PCDHGA5: variants seen among roughly 807,000 people sequenced by gnomAD.
The protein encoded by PCDHGA5 is protocadherin gamma subfamily A, 5.
In PCDHGA5, 36 loss-of-function variants were observed where a neutral mutation model predicts 56.7. That is an observed-to-expected ratio of 0.64 (90% CI 0.49 to 0.84). The LOEUF (loss-of-function observed/expected upper bound fraction) is 0.84, where lower values mean the gene tolerates loss of function less well. Ranked by LOEUF, PCDHGA5 falls within the 40% of genes least tolerant of loss-of-function variation. The pLI is 0.00. For missense variants in PCDHGA5, 1,305 were observed against 1,201.5 expected, an observed-to-expected ratio of 1.09 and a Z score of -1.27; for synonymous variants, 563 against 520.2, an observed-to-expected ratio of 1.08 and a Z score of -1.12.
Position 141,365,072 on chromosome 5 carries a change from A to G in PCDHGA5, c.742A>G (p.Ser248Gly). 6.2e-7 allele frequency: 1 copy of G among 1,613,904 alleles called. No individual in the cohort carries two copies. The highest frequency in any genetic ancestry group is 1.6e-4 in the Middle Eastern group (1 of 6,062). Residue 248 changes from serine to glycine, a missense_variant, in exon 1 of 4, where the codon AGC becomes GGC. Transcript: ENST00000518069. ...GCCCCTGTTCACCCCATCCGAGTAC[A>G]GCGTGAGTGTTCCAGAGAACATACC... The part of the protein sequence containing the change: ...NAPLFTPSEY[S>G]VSVPENIPVG...
chr5:141,409,751 C>T, intron 1 of PCDHGA5: 1 of 1,613,000 alleles, frequency 6.2e-7, no homozygotes, highest in Non-Finnish European at 8.5e-7. Flanking sequence ...GGTGTTCGCG[C>T]AGCGCGCCTT....
chr5:141,423,569 T>A, intron 1 of PCDHGA5: 2 of 1,613,480 alleles, frequency 1.2e-6, no homozygotes, highest in Non-Finnish European at 1.7e-6. Context: ...GACACGCTCA[T>A]CAGCCAGGAG....
At chr5:141,410,705 A>G (rs1462423983) in intron 1 of PCDHGA5, 1 of 1,460,780 alleles carries the variant, frequency 6.8e-7, no homozygotes, top group Non-Finnish European at 9.1e-7. Context: ...TTTCATATCT[A>G]GAATCATATG....
intron 1 of PCDHGA5, among the ~76,000 whole-genome samples, chr5:141,460,640 TGTTTACACATA>T (rs2098994223): frequency 6.6e-6 from 1 of 152,096 alleles, no homozygotes; most frequent in Admixed American, 6.6e-5. Flanking sequence ...TATATAACTG[TGTTTACACATA>T]TGTAACTGTA....
In PCDHGA5 at chr5:141,379,873, T is replaced by C. The variant is rs533347585; in HGVS notation, c.2421+13122T>C. ...AAATTATTGTCTTATTCTTATTTTA[T>C]GGTCTGTGAAAGCCTCTTTTTTTTT... On this transcript the variant is annotated intron_variant, in intron 1 of 3. Transcript: ENST00000518069. Among the ~76,000 whole-genome samples, 18 of 148,596 alleles carry C rather than the reference T, an allele frequency of 1.2e-4. No individual in the cohort carries two copies. The South Asian group carries it at 2.8e-3, about 23-fold the overall frequency.
intron 1 of PCDHGA5, chr5:141,374,073 A>AT: frequency 6.6e-7 from 1 of 1,510,034 alleles, no homozygotes; most frequent in Non-Finnish European, 8.8e-7. Flanking sequence ...GAAGTTCCTA[A>AT]TAAGCCAGTA....
chr5:141,481,200 T>A (rs977235584), intron 1 of PCDHGA5, among the ~76,000 whole-genome samples: 2 of 152,178 alleles, frequency 1.3e-5, no homozygotes, highest in Non-Finnish European at 2.9e-5. Flanking sequence ...CCAATTTTTT[T>A]AAAAAACATG....
intron 1 of PCDHGA5, chr5:141,417,710 T>C: frequency 8.0e-7 from 1 of 1,249,348 alleles, no homozygotes; most frequent in Non-Finnish European, 1.1e-6. Context: ...ACACAGAGGC[T>C]CCCGGCTGCG....
At chr5:141,478,063 A>G in intron 1 of PCDHGA5, 1 of 1,614,168 alleles carries the variant, frequency 6.2e-7, no homozygotes, top group Non-Finnish European at 8.5e-7. Context: ...TCTTGATCAA[A>G]GACAATGGGG....
intron 1 of PCDHGA5, among the ~76,000 whole-genome samples, chr5:141,481,008 A>G (rs2099529606): frequency 6.6e-6 from 1 of 152,224 alleles, no homozygotes; most frequent in Non-Finnish European, 1.5e-5. Context: ...CAGTGAGCCC[A>G]GATCACACCA....
chr5:141,512,897 C>T lies in PCDHGA5; in HGVS notation c.*1724C>T, dbSNP rs1482341871. ...CTCCCACCCCACCCTCTTCCTGTGT[C>T]TCACGCAAGTTTTATACTCTAATAT... On this transcript the variant is annotated 3_prime_UTR_variant, in exon 4 of 4. Coordinates refer to ENST00000518069, the MANE Select transcript of PCDHGA5 (RefSeq NM_018918.3). 1.3e-5 allele frequency: 2 copies of T among 152,274 alleles called. No homozygotes were observed. The highest frequency in any genetic ancestry group is 4.8e-5 in the African/African-American group (2 of 41,470). The allele number at this position is 152,274 out of a possible 1,614,324, so 9.4% of individuals were successfully genotyped here. A position where few individuals can be genotyped will look rare whatever the true frequency, so the allele number is the denominator to read the frequency against.
chr5:141,448,505 T>C (rs1041076095), intron 1 of PCDHGA5, among the ~76,000 whole-genome samples: 24 of 152,172 alleles, frequency 1.6e-4, no homozygotes, highest in African/African-American at 5.8e-4. Flanking sequence ...AGGTAAACAT[T>C]TTATAACTTT....
In PCDHGA5 at chr5:141,420,134, G is replaced by A. The variant is rs769225630; in HGVS notation, c.2421+53383G>A. The A allele has an allele frequency of 1.1e-5, 18 of 1,613,952 alleles. No homozygotes were observed. Among genetic ancestry groups the A allele is most frequent in the Non-Finnish European group, 1.4e-5 (17 of 1,179,876 alleles). Reference sequence around the variant, plus strand: ...TGCCTATAATTTTTGTGTGCCTGGGGATCAAATGAATCCAGAATTTAATTT... The same window carrying A: ...TGCCTATAATTTTTGTGTGCCTGGGAATCAAATGAATCCAGAATTTAATTT... On this transcript the variant is annotated intron_variant, in intron 1 of 3. Coordinates refer to ENST00000518069, the MANE Select transcript of PCDHGA5 (RefSeq NM_018918.3).
intron 1 of PCDHGA5, chr5:141,405,042 T>C (rs765018710): frequency 1.2e-6 from 2 of 1,613,144 alleles, no homozygotes; most frequent in South Asian, 1.1e-5. Flanking sequence ...GTTGTGGCTG[T>C]GGCAGTCGTC....
intron 1 of PCDHGA5, among the ~76,000 whole-genome samples, chr5:141,473,096 G>A (rs1007912058): frequency 9.9e-5 from 15 of 152,058 alleles, no homozygotes; most frequent in African/African-American, 3.6e-4. Context: ...ACTGTGAGTT[G>A]TATTACCACA....
intron 1 of PCDHGA5, chr5:141,393,902 G>C: frequency 6.2e-7 from 1 of 1,613,968 alleles, no homozygotes; most frequent in Non-Finnish European, 8.5e-7. Flanking sequence ...CTCTTCCCGG[G>C]ACAGTAATTG....
At chr5:141,384,961 G>A (rs774549251) in intron 1 of PCDHGA5, 1 of 1,614,096 alleles carries the variant, frequency 6.2e-7, no homozygotes, top group South Asian at 1.1e-5. Context: ...TTACAACTAT[G>A]ACCTCACGTT....
chr5:141,489,951 T>C lies in PCDHGA5; in HGVS notation c.2422-4856T>C. On this transcript the variant is annotated intron_variant, in intron 1 of 3. Coordinates refer to ENST00000518069, the MANE Select transcript of PCDHGA5 (RefSeq NM_018918.3). The surrounding 1 kb of genome is among the most constrained non-coding windows in gnomAD (Gnocchi z 4.5). ...CTGTCATCGTGCTGGACATCAATGATAATGCTCCAACCTTCCAATCCTCAG... is the reference window on the plus strand; with the variant it reads ...CTGTCATCGTGCTGGACATCAATGACAATGCTCCAACCTTCCAATCCTCAG... 6.2e-7 allele frequency: 1 copy of C among 1,614,210 alleles called. No homozygotes were observed. Among genetic ancestry groups the C allele is most frequent in the Non-Finnish European group, 8.5e-7 (1 of 1,180,032 alleles).
chr5:141,445,025 C>T (rs2154560886), intron 1 of PCDHGA5, among the ~76,000 whole-genome samples: 2 of 152,200 alleles, frequency 1.3e-5, no homozygotes, highest in Middle Eastern at 6.8e-3. Flanking sequence ...TTTCTCTCAG[C>T]TATGTTGTAT....
Sources: gnomAD v4.1 joint callset for allele counts (sites outside exome capture counted in the v4.1 genomes callset) on GRCh38, gnomAD v4.1.1 for gene constraint, Gnocchi (gnomAD v3.1) non-coding constraint, MANE v1.5 for transcripts, NCBI Gene and HGNC (gene_info 2026-07-23, HGNC 2026-07-21) for gene names.